Variants in TRIM33 observed in about 807,000 individuals in gnomAD.
TRIM33 encodes the protein E3 ubiquitin-protein ligase TRIM33.
TRIM33 carries 20 observed loss-of-function variants against 125.4 expected under a neutral mutation model. That is an observed-to-expected ratio of 0.16 (90% CI 0.11 to 0.23). The LOEUF is 0.23. TRIM33 is among the 10% of genes least tolerant of loss of function. The pLI, the probability that TRIM33 is intolerant of heterozygous loss-of-function variation, is 1.00. For synonymous variants in TRIM33, 564 were observed against 513.9 expected, an observed-to-expected ratio of 1.10 and a Z score of -1.32; for missense variants, 920 against 1,411.4, an observed-to-expected ratio of 0.65 and a Z score of 5.58.
intron 4 of TRIM33, among the ~76,000 whole-genome samples, chr1:114,442,438 C>A (rs971263262): frequency 1.3e-5 from 2 of 152,082 alleles, no homozygotes; most frequent in Non-Finnish European, 2.9e-5. Context: ...TCCTATAACC[C>A]CAGCACTTTG....
chr1:114,394,194 G>A lies in TRIM33; in HGVS notation c.*3454C>T, dbSNP rs903750291. ...TTTTTATAAAACTACTCACTGATCC[G>A]ATGCTGAGTATGCAAATAAGCAGTG... On this transcript the variant is annotated 3_prime_UTR_variant, in exon 20 of 20. Coordinates refer to ENST00000358465, the MANE Select transcript of TRIM33 (RefSeq NM_015906.4). The A allele has an allele frequency of 1.7e-5, 4 of 228,954 alleles. No homozygotes were observed. The highest frequency in any genetic ancestry group is 2.6e-5 in the Non-Finnish European group (3 of 115,212). 14.2% of individuals were successfully genotyped at this position (228,954 alleles called of 1,614,324 possible). A position where few individuals can be genotyped will look rare whatever the true frequency, so the allele number is the denominator to read the frequency against.
At chr1:114,487,989 A>G (rs1457316012) in intron 1 of TRIM33, among the ~76,000 whole-genome samples, 1 of 151,762 alleles carries the variant, frequency 6.6e-6, no homozygotes, top group African/African-American at 2.4e-5. Flanking sequence ...GAGAGCTTAT[A>G]AAAAAGATCA....
intron 10 of TRIM33, 136 bp from the exon 11 acceptor site, chr1:114,421,772 G>A (rs1647220675): frequency 1.3e-6 from 1 of 796,900 alleles, no homozygotes; most frequent in Non-Finnish European, 2.0e-6. Flanking sequence ...TTCAGGAGAA[G>A]AACAGTTCAA....
At position 114,421,516 on chromosome 1, in the gene TRIM33, A is replaced by T. The variant is rs547381969; in HGVS notation, c.1981T>A (p.Ser661Thr). 22 of 1,614,140 alleles carry T rather than the reference A, an allele frequency of 1.4e-5. No homozygotes were observed. The highest frequency in any genetic ancestry group is 1.9e-5 in the Non-Finnish European group (22 of 1,180,022). Residue 661 changes from serine (S) to threonine (T), a missense_variant, in exon 11 of 20, where the codon TCT becomes ACT. This residue lies in a region of TRIM33 where 407 missense variants were observed against 589.7 expected (regional missense o/e 0.69). Transcript: ENST00000358465. ...ANANRGPTSP[S>T]VTAIELIPSV... ...GGGATTAGCTCTATTGCTGTAACAG[A>T]TGGGCTGGTGGGACCTCGGTTTGCA...
chr1:114,413,628 TAAAAA>T (rs34538412), intron 11 of TRIM33, among the ~76,000 whole-genome samples: 1 of 50,860 alleles, frequency 2.0e-5, no homozygotes, highest in Non-Finnish European at 3.6e-5. Context: ...AGCAAAACTG[TAAAAA>T]AAAAAAAAAA....
intron 4 of TRIM33, among the ~76,000 whole-genome samples, chr1:114,434,121 T>C (rs1236913163): frequency 6.6e-6 from 1 of 152,184 alleles, no homozygotes; most frequent in Non-Finnish European, 1.5e-5. Context: ...ATCACAAAAT[T>C]ACTGCTACCA....
chr1:114,510,612 G>A lies in TRIM33; in HGVS notation c.465C>T (p.Pro155=), dbSNP rs749242622. ...GCACGCTGAGCTGGCGCTCCGGCTC[G>A]GGCAGGCAGCGCAGGCAGAAGGAGT... ...CLHSFCLRCL[P]EPERQLSVPI... Residue 155 remains proline (P), a synonymous_variant, in exon 1 of 20, where the codon CCC becomes CCT. Transcript: ENST00000358465. 3.8e-6 allele frequency: 6 copies of A among 1,558,846 alleles called. No individual in the cohort carries two copies. The highest frequency in any genetic ancestry group is 5.2e-6 in the Non-Finnish European group (6 of 1,158,458).
rs761842440 is a variant in TRIM33, at chr1:114,421,463, T to C, written c.2034A>G (p.Pro678=). Residue 678 remains proline (P), a synonymous_variant, in exon 11 of 20, where the codon CCA becomes CCG. Coordinates refer to ENST00000358465, the MANE Select transcript of TRIM33 (RefSeq NM_015906.4). ...GTATGGGTGGAATATCTGGCAGCGATGGAAGGTTTTCTGGATTGGTAACTG... is the reference window on the plus strand; with the variant it reads ...GTATGGGTGGAATATCTGGCAGCGACGGAAGGTTTTCTGGATTGGTAACTG... ...IPSVTNPENL[P]SLPDIPPIQL... The C allele has an allele frequency of 1.2e-6, 2 of 1,614,152 alleles. No individual in the cohort carries two copies. Among genetic ancestry groups the C allele is most frequent in the Admixed American group, 1.7e-5 (1 of 60,026 alleles).
chr1:114,487,253 A>ATCT (rs1651755650), intron 1 of TRIM33, among the ~76,000 whole-genome samples: 1 of 151,530 alleles, frequency 6.6e-6, no homozygotes, highest in Non-Finnish European at 1.5e-5. Flanking sequence ...AAAGAAAAAA[A>ATCT]TCTTGAAAGC....
chr1:114,400,895 T>G (rs1047965954), intron 17 of TRIM33, among the ~76,000 whole-genome samples: 26 of 152,222 alleles, frequency 1.7e-4, no homozygotes, highest in African/African-American at 6.0e-4. Context: ...ATATTTTACA[T>G]AGGTTATTTT....
At chr1:114,467,974 G>A (rs1278723509) in intron 1 of TRIM33, among the ~76,000 whole-genome samples, 3 of 152,182 alleles carry the variant, frequency 2.0e-5, no homozygotes, top group Non-Finnish European at 4.4e-5. Context: ...AATTACTTAA[G>A]TCAGAGCCCA....
At position 114,511,107 on chromosome 1, in the gene TRIM33, C is replaced by G. The variant is rs527494031; in HGVS notation, c.-31G>C. The G allele has an allele frequency of 5.9e-5, 68 of 1,145,644 alleles. No homozygotes were observed. The South Asian group carries it at 2.6e-3, about 44-fold the overall frequency. The allele number at this position is 1,145,644 out of a possible 1,614,324, so 71.0% of individuals were successfully genotyped here. ...CCTCTTTGAACCCGCCGGACCGCCC[C>G]GCGCCGCCCGCCGCCCGCGTCGCCG... On this transcript the variant is annotated 5_prime_UTR_variant, in exon 1 of 20. Transcript: ENST00000358465.
chr1:114,511,183 G>C lies in TRIM33; in HGVS notation c.-107C>G. The C allele has an allele frequency of 5.0e-6, 5 of 996,716 alleles. No homozygotes were observed. Among genetic ancestry groups the C allele is most frequent in the Non-Finnish European group, 6.0e-6 (5 of 827,038 alleles). The allele number at this position is 996,716 out of a possible 1,614,324, so 61.7% of individuals were successfully genotyped here. On this transcript the variant is annotated 5_prime_UTR_variant, in exon 1 of 20. Transcript: ENST00000358465. ...CAGCCGCAGCAAGAGCGGCAGCCGA[G>C]AGCTAGCGAGAGAGCGAACCAACGA...
At chr1:114,453,227 G>A (rs765190185) in intron 4 of TRIM33, among the ~76,000 whole-genome samples, 2 of 151,964 alleles carry the variant, frequency 1.3e-5, no homozygotes, top group Non-Finnish European at 2.9e-5. Flanking sequence ...AGCCAGGCGT[G>A]GTGATGTCCA....
chr1:114,509,601 T>C (rs1268760973), intron 1 of TRIM33, among the ~76,000 whole-genome samples: 3 of 152,226 alleles, frequency 2.0e-5, no homozygotes, highest in Admixed American at 2.0e-4. Context: ...TACACAGTCT[T>C]TAGTTCCAGG....
At chr1:114,418,088 G>T (rs539554724) in intron 11 of TRIM33, among the ~76,000 whole-genome samples, 1 of 152,328 alleles carries the variant, frequency 6.6e-6, no homozygotes, top group South Asian at 2.1e-4. Flanking sequence ...GGTTTAAATT[G>T]ACTCACAGTT....
At chr1:114,500,758 G>A (rs1231004736) in intron 1 of TRIM33, among the ~76,000 whole-genome samples, 1 of 151,600 alleles carries the variant, frequency 6.6e-6, no homozygotes, top group Non-Finnish European at 1.5e-5. Flanking sequence ...AAAAAAAAAG[G>A]AGGAAAAACT....
intron 4 of TRIM33, among the ~76,000 whole-genome samples, chr1:114,436,229 T>G (rs1648284612): frequency 2.0e-5 from 3 of 151,154 alleles, no homozygotes. Flanking sequence ...GGTGAAACCC[T>G]GTCTCTACTA....
chr1:114,418,827 G>A (rs939244551), intron 11 of TRIM33, among the ~76,000 whole-genome samples: 1 of 151,848 alleles, frequency 6.6e-6, no homozygotes, highest in Non-Finnish European at 1.5e-5. Flanking sequence ...GCAATTAAGG[G>A]GGATTTTCCC....
Sources: allele counts gnomAD v4.1 joint callset (sites outside exome capture counted in the v4.1 genomes callset), GRCh38; gene constraint gnomAD v4.1.1; regional missense constraint gnomAD v4.1.1; transcripts MANE v1.5; gene names NCBI Gene and HGNC (gene_info 2026-07-23, HGNC 2026-07-21).